SPDYE10: variants seen among roughly 807,000 people sequenced by gnomAD.
SPDYE10 encodes speedy/RINGO cell cycle regulator family member E10, also known as speedy protein E10.
the SPDYE10 span, among the ~76,000 whole-genome samples, chr7:73,151,560 G>GA: frequency 2.7e-3 from 16 of 5,880 alleles, no homozygotes; most frequent in African/African-American, 6.2e-3. Flanking sequence ...AAGAAAGAAA[G>GA]AAAAAAAAAA....
the SPDYE10 span, among the ~76,000 whole-genome samples, chr7:73,142,799 G>C: frequency 1.3e-5 from 2 of 152,078 alleles, no homozygotes; most frequent in Non-Finnish European, 2.9e-5. Context: ...CGGGTGTGGT[G>C]GTGGGCGCCT....
At chr7:73,117,077 T>TG in the SPDYE10 span, among the ~76,000 whole-genome samples, 1 of 147,136 alleles carries the variant, frequency 6.8e-6, no homozygotes, top group African/African-American at 2.5e-5. Flanking sequence ...GGGTTTTTTT[T>TG]TTTGTTGTTG....
At chr7:73,137,633 A>G in the SPDYE10 span, among the ~76,000 whole-genome samples, 1 of 133,998 alleles carries the variant, frequency 7.5e-6, no homozygotes, top group South Asian at 2.5e-4. Context: ...AAAGAAAGAA[A>G]GAAAGAAAGG....
At chr7:73,117,075 T>G in the SPDYE10 span, among the ~76,000 whole-genome samples, 41 of 147,080 alleles carry the variant, frequency 2.8e-4, no homozygotes, top group Non-Finnish European at 3.8e-4. Context: ...TTGGGTTTTT[T>G]TTTTTGTTGT....
At chr7:73,149,707 C>A in the SPDYE10 span, among the ~76,000 whole-genome samples, 2 of 145,574 alleles carry the variant, frequency 1.4e-5, no homozygotes, top group African/African-American at 2.6e-5. Flanking sequence ...AAGATGGTCT[C>A]GTTCACATCT....
At chr7:73,116,846 G>A in the SPDYE10 span, among the ~76,000 whole-genome samples, 1 of 149,494 alleles carries the variant, frequency 6.7e-6, no homozygotes, top group South Asian at 2.1e-4. Flanking sequence ...CTCCCAAAGT[G>A]CTGCAATTAC....
chr7:73,150,952 T>A, the SPDYE10 span, among the ~76,000 whole-genome samples: 5 of 23,724 alleles, frequency 2.1e-4, no homozygotes, highest in South Asian at 2.2e-3. Context: ...ATATATATTT[T>A]TTTTTTTTTA....
chr7:73,127,587 G>A, the SPDYE10 span, among the ~76,000 whole-genome samples: 1 of 76,252 alleles, frequency 1.3e-5, no homozygotes, highest in Non-Finnish European at 2.9e-5. Context: ...GGGGAGGGGA[G>A]GGGAAGGGGG....
the SPDYE10 span, among the ~76,000 whole-genome samples, chr7:73,153,967 G>T: frequency 1.3e-5 from 2 of 151,626 alleles, no homozygotes; most frequent in Non-Finnish European, 2.9e-5. Context: ...CCCTGAAAAA[G>T]AGTTCTCAGC....
At chr7:73,111,702 C>CCATTCTT in the SPDYE10 span, among the ~76,000 whole-genome samples, 1 of 51,706 alleles carries the variant, frequency 1.9e-5, no homozygotes, top group Non-Finnish European at 3.8e-5. Context: ...CTGAATTTCT[C>CCATTCTT]CATTCTTCCC....
At chr7:73,152,017 T>TG in the SPDYE10 span, among the ~76,000 whole-genome samples, 6 of 151,058 alleles carry the variant, frequency 4.0e-5, no homozygotes, top group East Asian at 1.2e-3. Context: ...TTGTTTTTTG[T>TG]GTTTTTTTTT....
the SPDYE10 span, among the ~76,000 whole-genome samples, chr7:73,137,653 GAAAA>G: frequency 7.6e-5 from 10 of 131,524 alleles, no homozygotes; most frequent in Admixed American, 1.6e-4. Context: ...GAGAAAGAAA[GAAAA>G]GAGAAAGAAA....
the SPDYE10 span, among the ~76,000 whole-genome samples, chr7:73,113,739 C>G: frequency 1.3e-5 from 2 of 152,062 alleles, no homozygotes; most frequent in East Asian, 1.9e-4. Flanking sequence ...ACTAAAAATA[C>G]AAAAAATTAG....
the SPDYE10 span, among the ~76,000 whole-genome samples, chr7:73,115,191 T>C: frequency 6.6e-6 from 1 of 152,234 alleles, no homozygotes; most frequent in South Asian, 2.1e-4. Flanking sequence ...CCACCACACC[T>C]GGACTGTTCT....
chr7:73,154,781 C>T, the SPDYE10 span, among the ~76,000 whole-genome samples: 12 of 151,366 alleles, frequency 7.9e-5, 1 homozygote, highest in African/African-American at 2.9e-4. Flanking sequence ...GCCGGTAGCT[C>T]CGGCCGCCCA....
the SPDYE10 span, among the ~76,000 whole-genome samples, chr7:73,151,746 G>A: frequency 3.6e-4 from 26 of 73,032 alleles, no homozygotes; most frequent in Admixed American, 9.0e-4. Context: ...TCAAACTCCC[G>A]GCCTCAAGAG....
At chr7:73,124,176 G>A in the SPDYE10 span, among the ~76,000 whole-genome samples, 1 of 141,256 alleles carries the variant, frequency 7.1e-6, no homozygotes, top group African/African-American at 2.7e-5. Flanking sequence ...GTCCTTGGAG[G>A]GAACTTTAAG....
chr7:73,118,150 C>CAA, the SPDYE10 span, among the ~76,000 whole-genome samples: 18 of 6,208 alleles, frequency 2.9e-3, 1 homozygote, highest in East Asian at 0.011. Flanking sequence ...GACTCTCTGT[C>CAA]AAAAAAAAAA....
At chr7:73,141,322 G>A in the SPDYE10 span, among the ~76,000 whole-genome samples, 1 of 151,028 alleles carries the variant, frequency 6.6e-6, no homozygotes, top group African/African-American at 2.4e-5. Context: ...CAGATCACCT[G>A]CGGTCAGGAG....
Sources: allele counts gnomAD v4.1 joint callset (sites outside exome capture counted in the v4.1 genomes callset), GRCh38; gene constraint gnomAD v4.1.1; transcripts MANE v1.5; gene names NCBI Gene and HGNC (gene_info 2026-07-23, HGNC 2026-07-21).